ZNF474: variants seen among roughly 807,000 people sequenced by gnomAD.
The protein encoded by ZNF474 is zinc finger protein 474, also known as 4933409D10Rik.
For missense variants in ZNF474, 511 were observed against 433.8 expected, an observed-to-expected ratio of 1.18 and a Z score of -1.58; for synonymous variants, 192 against 162.2, an observed-to-expected ratio of 1.18 and a Z score of -1.39.
At chr5:122,149,026 G>A (rs1309498119) in intron 1 of ZNF474, among the ~76,000 whole-genome samples, 3 of 152,012 alleles carry the variant, frequency 2.0e-5, no homozygotes, top group East Asian at 1.9e-4. Context: ...CACCGCGCCC[G>A]GCCTGGAAAA....
chr5:122,141,405 T>C (rs1755843436), intron 1 of ZNF474, among the ~76,000 whole-genome samples: 1 of 149,918 alleles, frequency 6.7e-6, no homozygotes, highest in Non-Finnish European at 1.5e-5. Flanking sequence ...GTCTCCCAGG[T>C]TTAAGTGATT....
At chr5:122,132,621 G>A (rs1225429177) in intron 1 of ZNF474, among the ~76,000 whole-genome samples, 2 of 151,756 alleles carry the variant, frequency 1.3e-5, no homozygotes, top group Admixed American at 6.6e-5. Context: ...TATCATTTTT[G>A]CTTTTATATT....
At chr5:122,130,597 T>C (rs1257159233) in intron 1 of ZNF474, among the ~76,000 whole-genome samples, 2 of 152,180 alleles carry the variant, frequency 1.3e-5, no homozygotes, top group African/African-American at 4.8e-5. Context: ...GGTAGTTTGT[T>C]TGTTTCTAGT....
At chr5:122,135,821 A>C (rs761115580) in intron 1 of ZNF474, among the ~76,000 whole-genome samples, 10 of 152,190 alleles carry the variant, frequency 6.6e-5, no homozygotes, top group Non-Finnish European at 1.2e-4. Flanking sequence ...TAAAAAGAGT[A>C]AAATCCTGTC....
intron 1 of ZNF474, among the ~76,000 whole-genome samples, chr5:122,132,563 C>T (rs1334634130): frequency 2.6e-5 from 4 of 151,964 alleles, no homozygotes; most frequent in South Asian, 2.1e-4. Flanking sequence ...TTTTGTCTAA[C>T]AAATCTTTGC....
intron 1 of ZNF474, among the ~76,000 whole-genome samples, chr5:122,133,301 T>C (rs970552434): frequency 6.6e-6 from 1 of 152,176 alleles, no homozygotes; most frequent in African/African-American, 2.4e-5. Flanking sequence ...ATTTATAACA[T>C]CAGCTCTGTT....
chr5:122,150,331 T>C (rs962279675), intron 1 of ZNF474, among the ~76,000 whole-genome samples: 3 of 152,198 alleles, frequency 2.0e-5, no homozygotes, highest in African/African-American at 4.8e-5. Flanking sequence ...TCTGTCAAAA[T>C]GAAGAATAAC....
At chr5:122,151,351 A>T (rs980349917) in intron 1 of ZNF474, among the ~76,000 whole-genome samples, 2 of 152,186 alleles carry the variant, frequency 1.3e-5, no homozygotes, top group Admixed American at 1.3e-4. Flanking sequence ...TCTCTGACGT[A>T]GTGGAAGTTT....
At chr5:122,141,130 ATTTTATTTTATTTTATTTTATTT>A (rs1755830433) in intron 1 of ZNF474, among the ~76,000 whole-genome samples, 1 of 122,100 alleles carries the variant, frequency 8.2e-6, no homozygotes, top group South Asian at 2.9e-4. Context: ...ATTTTATTTT[ATTTTATTTTATTTTATTTTATTT>A]TATTTTATTT....
chr5:122,141,556 C>G (rs1057420631), intron 1 of ZNF474, among the ~76,000 whole-genome samples: 3 of 152,080 alleles, frequency 2.0e-5, no homozygotes, highest in African/African-American at 7.2e-5. Flanking sequence ...ATCCATCCAC[C>G]TCAGCCTCCC....
At chr5:122,133,334 CACAATT>C (rs1362006489) in intron 1 of ZNF474, among the ~76,000 whole-genome samples, 1 of 152,108 alleles carries the variant, frequency 6.6e-6, no homozygotes, top group Non-Finnish European at 1.5e-5. Flanking sequence ...GTATATTTCT[CACAATT>C]ACAGAGAAAA....
At position 122,133,492 on chromosome 5, in the gene ZNF474, A is replaced by G. The variant is rs1316263022; in HGVS notation, c.-213+3809A>G. On this transcript the variant is annotated intron_variant, in intron 1 of 1. Transcript: ENST00000296600. Reference sequence around the variant, plus strand: ...AATCTTGCTATCACTTCCATAAAATACCTATTTCTTTTGAGCCTAAAATGT... The same window carrying G: ...AATCTTGCTATCACTTCCATAAAATGCCTATTTCTTTTGAGCCTAAAATGT... 2.0e-5 allele frequency among the ~76,000 whole-genome samples: 3 copies of G among 152,190 alleles called. No homozygotes were observed. The East Asian group carries it at 5.8e-4, about 29-fold the overall frequency.
chr5:122,133,630 G>A (rs544099483), intron 1 of ZNF474, among the ~76,000 whole-genome samples: 1 of 152,156 alleles, frequency 6.6e-6, no homozygotes, highest in Non-Finnish European at 1.5e-5. Context: ...CACAATCACA[G>A]CTCACTGCAC....
intron 1 of ZNF474, among the ~76,000 whole-genome samples, chr5:122,151,068 A>G (rs574894386): frequency 1.3e-5 from 2 of 152,288 alleles, no homozygotes; most frequent in African/African-American, 2.4e-5. Context: ...TCTGAGGGCT[A>G]TCCTGATAAT....
intron 1 of ZNF474, among the ~76,000 whole-genome samples, chr5:122,133,416 A>T (rs1438915060): frequency 1.3e-5 from 2 of 152,218 alleles, no homozygotes; most frequent in African/African-American, 2.4e-5. Context: ...TTGACAGAAA[A>T]TTATAAACAT....
chr5:122,138,792 G>A (rs1004811831), intron 1 of ZNF474, among the ~76,000 whole-genome samples: 1 of 152,162 alleles, frequency 6.6e-6, no homozygotes, highest in Non-Finnish European at 1.5e-5. Flanking sequence ...ATGTGTGTGT[G>A]TGTATGTGTA....
chr5:122,140,763 A>G (rs1181668672), intron 1 of ZNF474, among the ~76,000 whole-genome samples: 4 of 152,314 alleles, frequency 2.6e-5, no homozygotes, highest in South Asian at 4.1e-4. Flanking sequence ...ATCTGGCTCA[A>G]TTATAGACAA....
rs199661419 is a variant in ZNF474 at position 122,151,945 on chromosome 5, T to A, written c.-46T>A. ...ACTCTAAGCAGAAGCCCAAAGTGAG[T>A]CTGGCCTGAAATCAGAGCAAGCACT... is the stretch of plus-strand genomic sequence containing the variant. On this transcript the variant is annotated 5_prime_UTR_variant, in exon 2 of 2. Transcript: ENST00000296600. 480 of 1,562,756 alleles carry A rather than the reference T, an allele frequency of 3.1e-4. No homozygotes were observed. The highest frequency in any genetic ancestry group is 3.8e-4 in the Non-Finnish European group (440 of 1,164,104).
chr5:122,148,037 CT>C, intron 1 of ZNF474: 1 of 152,236 alleles, frequency 6.6e-6, no homozygotes, highest in East Asian at 1.9e-4. Flanking sequence ...CAAAGTGGTT[CT>C]CTTTATAAAC....
Sources: allele counts gnomAD v4.1 joint callset (sites outside exome capture counted in the v4.1 genomes callset), GRCh38; gene constraint gnomAD v4.1.1; transcripts MANE v1.5; gene names NCBI Gene and HGNC (gene_info 2026-07-23, HGNC 2026-07-21).